SAMD12: variants seen among roughly 807,000 people sequenced by gnomAD.
SAMD12 encodes sterile alpha motif domain-containing protein 12.
A neutral mutation model predicts 15.0 loss-of-function variants in SAMD12; 9 were observed. That is an observed-to-expected ratio of 0.60 (90% CI 0.36 to 1.05). The LOEUF (loss-of-function observed/expected upper bound fraction) is 1.05. Ranked by LOEUF, SAMD12 falls within the 50% of genes least tolerant of loss-of-function variation. The probability of loss-of-function intolerance (pLI) is 0.01; values close to 1 mark genes in which losing one functional copy is unlikely to be tolerated. For synonymous variants in SAMD12, 86 were observed against 90.1 expected, an observed-to-expected ratio of 0.96 and a Z score of 0.25; for missense variants, 230 against 234.2, an observed-to-expected ratio of 0.98 and a Z score of 0.12.
At chr8:118,543,861 T>A (rs919681443) in intron 2 of SAMD12, among the ~76,000 whole-genome samples, 1 of 149,354 alleles carries the variant, frequency 6.7e-6, no homozygotes, top group Non-Finnish European at 1.5e-5. Context: ...TCTAGAATGG[T>A]CTTTATATTC....
At chr8:118,573,812 G>A (rs528744428) in intron 2 of SAMD12, among the ~76,000 whole-genome samples, 47 of 152,198 alleles carry the variant, frequency 3.1e-4, no homozygotes, top group Non-Finnish European at 5.6e-4. Flanking sequence ...CAGAGGCAAG[G>A]GACTTCTGTA....
intron 3 of SAMD12, among the ~76,000 whole-genome samples, chr8:118,392,307 T>G (rs965392645): frequency 2.0e-5 from 3 of 152,204 alleles, no homozygotes; most frequent in African/African-American, 7.2e-5. Context: ...GGTGCACGCC[T>G]GTAGTCCCAG....
At chr8:118,176,067 CA>C in the SAMD12 span, among the ~76,000 whole-genome samples, 1 of 152,140 alleles carries the variant, frequency 6.6e-6, no homozygotes, top group Admixed American at 6.6e-5. Flanking sequence ...TTTGGGAGGC[CA>C]AAGCGGGTGG....
intron 2 of SAMD12, among the ~76,000 whole-genome samples, chr8:118,510,907 T>C (rs1222125729): frequency 1.3e-5 from 2 of 152,224 alleles, no homozygotes; most frequent in South Asian, 2.1e-4. Flanking sequence ...GTGGTTACTT[T>C]ACTACTAAGT....
At chr8:118,213,019 C>T (rs896234464) in intron 4 of SAMD12, among the ~76,000 whole-genome samples, 3 of 151,978 alleles carry the variant, frequency 2.0e-5, no homozygotes, top group East Asian at 1.9e-4. Context: ...TACGATGAAG[C>T]ATAAAAGGGT....
At chr8:118,551,904 C>T (rs1163172636) in intron 2 of SAMD12, among the ~76,000 whole-genome samples, 9 of 150,972 alleles carry the variant, frequency 6.0e-5, no homozygotes, top group Non-Finnish European at 8.9e-5. Flanking sequence ...AATACGTCTA[C>T]GCAAATAAAC....
intron 4 of SAMD12, among the ~76,000 whole-genome samples, chr8:118,273,100 G>C (rs945214457): frequency 6.6e-6 from 1 of 152,162 alleles, no homozygotes; most frequent in African/African-American, 2.4e-5. Context: ...ACCTGAGACT[G>C]GGTAATTTAT....
chr8:118,404,477 T>C (rs1293875793), intron 3 of SAMD12, among the ~76,000 whole-genome samples: 2 of 152,242 alleles, frequency 1.3e-5, no homozygotes, highest in African/African-American at 4.8e-5. Context: ...GTGGTTGAAA[T>C]AGTCTGAGAC....
At chr8:118,385,482 T>A (rs982661874) in intron 3 of SAMD12, among the ~76,000 whole-genome samples, 11 of 152,210 alleles carry the variant, frequency 7.2e-5, no homozygotes, top group African/African-American at 2.7e-4. Flanking sequence ...GGGACACTGG[T>A]TCTGCAGATT....
At chr8:118,477,013 C>T (rs1471468769) in intron 2 of SAMD12, among the ~76,000 whole-genome samples, 1 of 152,004 alleles carries the variant, frequency 6.6e-6, no homozygotes, top group Non-Finnish European at 1.5e-5. Context: ...TCTCTATTCA[C>T]CGGGGTGAAT....
intron 4 of SAMD12, among the ~76,000 whole-genome samples, chr8:118,234,248 C>T (rs184925751): frequency 1.1e-3 from 166 of 152,044 alleles, no homozygotes; most frequent in African/African-American, 3.8e-3. Flanking sequence ...TTCTACCTCC[C>T]TAAAAGGCCT....
At chr8:118,583,407 C>T (rs1373721925) in intron 1 of SAMD12, among the ~76,000 whole-genome samples, 1 of 152,174 alleles carries the variant, frequency 6.6e-6, no homozygotes, top group Non-Finnish European at 1.5e-5. Flanking sequence ...AAAAGGTGTG[C>T]TTGTGTAGGG....
At chr8:118,368,851 C>A (rs1818935117) in intron 4 of SAMD12, among the ~76,000 whole-genome samples, 1 of 152,192 alleles carries the variant, frequency 6.6e-6, no homozygotes, top group African/African-American at 2.4e-5. Context: ...ACAAGGAAGA[C>A]AAAGCACTAC....
the SAMD12 span, among the ~76,000 whole-genome samples, chr8:118,143,208 G>A: frequency 6.6e-6 from 1 of 151,266 alleles, no homozygotes; most frequent in Non-Finnish European, 1.5e-5. Context: ...ACCAAGAGGG[G>A]CACAGTATAT....
chr8:118,399,505 T>G (rs1820764553), intron 3 of SAMD12, among the ~76,000 whole-genome samples: 2 of 152,052 alleles, frequency 1.3e-5, no homozygotes, highest in South Asian at 2.1e-4. Flanking sequence ...ATCCAACGAC[T>G]GGTAGATGAG....
At chr8:118,454,768 C>T (rs555388370) in intron 2 of SAMD12, among the ~76,000 whole-genome samples, 76 of 152,250 alleles carry the variant, frequency 5.0e-4, no homozygotes, top group African/African-American at 1.8e-3. Context: ...TGGGACTCTG[C>T]ACCCATTAAA....
chr8:118,593,435 G>A (rs1435733298), intron 1 of SAMD12, among the ~76,000 whole-genome samples: 11 of 152,124 alleles, frequency 7.2e-5, no homozygotes, highest in Admixed American at 7.2e-4. Flanking sequence ...CAATACTTCT[G>A]AATGTACCTT....
At chr8:118,366,813 AAATAAAATAAAATAAAATAAAAT>A (rs1563799635) in intron 4 of SAMD12, among the ~76,000 whole-genome samples, 17 of 57,618 alleles carry the variant, frequency 3.0e-4, no homozygotes, top group African/African-American at 8.6e-4. Context: ...ACTCTGTCTC[AAATAAAATAAAATAAAATAAAAT>A]AAAATAAAAT....
intron 4 of SAMD12, among the ~76,000 whole-genome samples, chr8:118,221,410 T>C (rs1403433593): frequency 6.6e-6 from 1 of 152,190 alleles, no homozygotes; most frequent in Admixed American, 6.5e-5. Flanking sequence ...GCTATTTCCT[T>C]GTATTGCTAG....
Sources: allele counts gnomAD v4.1 joint callset (sites outside exome capture counted in the v4.1 genomes callset), GRCh38; gene constraint gnomAD v4.1.1; transcripts MANE v1.5; gene names NCBI Gene and HGNC (gene_info 2026-07-23, HGNC 2026-07-21).